BRIP1: variants seen among roughly 807,000 people sequenced by gnomAD.
The protein encoded by BRIP1 is BRCA1 interacting DNA helicase 1.
In BRIP1, 88 loss-of-function variants were observed where a neutral mutation model predicts 119.7. The ratio of observed to expected loss-of-function variants is 0.74; its 90% CI spans 0.62 to 0.88. The LOEUF (loss-of-function observed/expected upper bound fraction) is 0.88. Among genes scored for constraint, BRIP1 ranks in the 40% least tolerant of loss-of-function variants. BRIP1 has a pLI of 0.00. For synonymous variants in BRIP1, 443 were observed against 496.5 expected, an observed-to-expected ratio of 0.89 and a Z score of 1.43; for missense variants, 1,259 against 1,455.4, an observed-to-expected ratio of 0.87 and a Z score of 2.20.
intron 6 of BRIP1, among the ~76,000 whole-genome samples, chr17:61,811,615 T>C (rs1186139205): frequency 1.3e-5 from 2 of 152,024 alleles, no homozygotes; most frequent in Non-Finnish European, 2.9e-5. Flanking sequence ...TAAACAGGAA[T>C]TATTTCTTCA....
In BRIP1 at chr17:61,729,383, TA is replaced by T; in HGVS notation, c.2380-13321del. 6.6e-6 allele frequency among the ~76,000 whole-genome samples: 1 copy of T among 152,274 alleles called. No homozygotes were observed. The highest frequency in any genetic ancestry group is 1.9e-4 in the East Asian group (1 of 5,178). ...GTCATGATAATGTACATAATAACTA[TA>T]GATTTAATTAAAAATTGTAATGTAA... On this transcript the variant is annotated intron_variant, in intron 16 of 19. Transcript: ENST00000259008. This position sits in a 1 kb window ranked among gnomAD's most constrained non-coding sequence, Gnocchi z 5.6.
At chr17:61,854,253 G>C (rs1054887601) in intron 4 of BRIP1, among the ~76,000 whole-genome samples, 11 of 151,934 alleles carry the variant, frequency 7.2e-5, no homozygotes, top group African/African-American at 2.7e-4. Flanking sequence ...ACCCAGCCTG[G>C]GCAACAGAAT....
chr17:61,726,666 C>T lies in BRIP1; in HGVS notation c.2380-10603G>A, dbSNP rs2144523393. ...GGCAGAATACATACAGAACAGTGTT[C>T]AAACAGTTTTGAAACAAATATTTTA... On this transcript the variant is annotated intron_variant, in intron 16 of 19. Transcript: ENST00000259008. The surrounding 1 kb of genome is among the most constrained non-coding windows in gnomAD (Gnocchi z 6.2). 6.6e-6 allele frequency among the ~76,000 whole-genome samples: 1 copy of T among 152,292 alleles called. No individual in the cohort carries two copies. Among genetic ancestry groups the T allele is most frequent in the South Asian group, 2.1e-4 (1 of 4,824 alleles).
rs145503169 is a variant in BRIP1, at chr17:61,699,180, C to T, written c.2493-5668G>A. ...TTGTGTTTTTTAAACTAGTGTTTCT[C>T]TTGCAGACAGCATATATCACATTGT... On this transcript the variant is annotated intron_variant, in intron 17 of 19. Transcript: ENST00000259008. This position sits in a 1 kb window ranked among gnomAD's most constrained non-coding sequence, Gnocchi z 4.8. 5.4e-3 allele frequency among the ~76,000 whole-genome samples: 824 copies of T among 152,134 alleles called. 5 individuals carry two copies. The highest frequency in any genetic ancestry group is 8.6e-3 in the Non-Finnish European group (584 of 67,992).
chr17:61,855,637 C>T (rs531081059), intron 4 of BRIP1, among the ~76,000 whole-genome samples: 6 of 148,042 alleles, frequency 4.1e-5, no homozygotes, highest in African/African-American at 7.5e-5. Flanking sequence ...GTCAAGTAAA[C>T]GTCAATAAAG....
chr17:61,721,333 G>A (rs543687484), intron 16 of BRIP1, among the ~76,000 whole-genome samples: 13 of 144,126 alleles, frequency 9.0e-5, no homozygotes, highest in East Asian at 6.3e-4. Context: ...GCAGTGGCGC[G>A]ATCTTGGCTC....
Position 61,799,034 on chromosome 17 carries a change from TGGCATAATCAAACATATTTTTCATATAAA to T in BRIP1, c.1340+37_1340+65del. Reference sequence around the variant, plus strand: ...CAAAGTTTACTAACTTTAAATACTCTGGCATAATCAAACATATTTTTCATATAAAGGCAGCACAAATACACTAATAGACA... The same window carrying T: ...CAAAGTTTACTAACTTTAAATACTCTGGCAGCACAAATACACTAATAGACA... On this transcript the variant is annotated intron_variant, in intron 9 of 19. Transcript: ENST00000259008. The surrounding 1 kb of genome is among the most constrained non-coding windows in gnomAD (Gnocchi z 5.1). 2.1e-6 allele frequency: 3 copies of T among 1,448,998 alleles called. No individual in the cohort carries two copies. Among genetic ancestry groups the T allele is most frequent in the Non-Finnish European group, 2.9e-6 (3 of 1,032,010 alleles). The allele number at this position is 1,448,998 out of a possible 1,614,324, so 89.8% of individuals were successfully genotyped here. A position where few individuals can be genotyped will look rare whatever the true frequency, so the allele number is the denominator to read the frequency against.
rs1036675488 is a variant in BRIP1 at position 61,735,757 on chromosome 17, C to T, written c.2379+7256G>A. Among the ~76,000 whole-genome samples, 3 of 151,788 alleles carry T rather than the reference C, an allele frequency of 2.0e-5. No homozygotes were observed. The highest frequency in any genetic ancestry group is 4.8e-5 in the African/African-American group (2 of 41,302). Reference sequence around the variant, plus strand: ...CCAAGGCTGCAGTGACCCATGACCGCACCACTGCACTCTAGCCTGGGCAAT... The same window carrying T: ...CCAAGGCTGCAGTGACCCATGACCGTACCACTGCACTCTAGCCTGGGCAAT... On this transcript the variant is annotated intron_variant, in intron 16 of 19. Transcript: ENST00000259008. This position sits in a 1 kb window ranked among gnomAD's most constrained non-coding sequence, Gnocchi z 4.4.
intron 14 of BRIP1, among the ~76,000 whole-genome samples, chr17:61,763,283 C>T (rs2077304104): frequency 6.6e-6 from 1 of 152,066 alleles, no homozygotes; most frequent in Non-Finnish European, 1.5e-5. Flanking sequence ...GAAGTCCAGA[C>T]ACAGGGCAGC....
In BRIP1 at chr17:61,682,714, G is replaced by C. The variant is rs2061286279; in HGVS notation, c.*582C>G. On this transcript the variant is annotated 3_prime_UTR_variant, in exon 20 of 20. Coordinates refer to ENST00000259008, the MANE Select transcript of BRIP1 (RefSeq NM_032043.3). The surrounding 1 kb of genome is among the most constrained non-coding windows in gnomAD (Gnocchi z 4.9). ...CAGTGTGAAAACAAATGGATGAAGA[G>C]AACCACCTAATATGAATATTTACGT... 5.1e-6 allele frequency: 1 copy of C among 194,766 alleles called. No individual in the cohort carries two copies. The highest frequency in any genetic ancestry group is 1.1e-5 in the Non-Finnish European group (1 of 93,630). The allele number at this position is 194,766 out of a possible 1,614,324, so 12.1% of individuals were successfully genotyped here. A position where few individuals can be genotyped will look rare whatever the true frequency, so the allele number is the denominator to read the frequency against.
chr17:61,829,590 C>T (rs1452309763), intron 6 of BRIP1, among the ~76,000 whole-genome samples: 3 of 151,842 alleles, frequency 2.0e-5, no homozygotes, highest in Non-Finnish European at 4.4e-5. Flanking sequence ...AATACCCATA[C>T]TTTCCAAAAA....
chr17:61,719,332 C>A (rs114331610), intron 16 of BRIP1, among the ~76,000 whole-genome samples: 1 of 151,534 alleles, frequency 6.6e-6, no homozygotes, highest in Non-Finnish European at 1.5e-5. Flanking sequence ...CTGTTATTCA[C>A]GGCAACATGG....
In BRIP1 at chr17:61,683,870, G is replaced by C. The variant is rs1400975728; in HGVS notation, c.3176C>G (p.Thr1059Arg). ...FTDKCESSNLTVNTSFGSCPQ... is the reference protein window; with the variant it reads ...FTDKCESSNLRVNTSFGSCPQ... ...GCATGATCCAAACGATGTGTTTACT[G>C]TCAGATTTGAGGATTCACATTTATC... Residue 1059 changes from threonine to arginine, a missense_variant, in exon 20 of 20, where the codon ACA (threonine) becomes AGA (arginine). Transcript: ENST00000259008. The surrounding 1 kb of genome is among the most constrained non-coding windows in gnomAD (Gnocchi z 4.7). The C allele has an allele frequency of 1.2e-6, 2 of 1,614,170 alleles. No homozygotes were observed. The highest frequency in any genetic ancestry group is 2.2e-5 in the East Asian group (1 of 44,880).
At position 61,825,077 on chromosome 17, in the gene BRIP1, A is replaced by C. The variant is rs1380982797; in HGVS notation, c.628-16320T>G. Reference sequence around the variant, plus strand: ...GAGGCAGGCGGATCGCAAGGTCAGGAGATCGAGACCATCCTAGCTAACATG... The same window carrying C: ...GAGGCAGGCGGATCGCAAGGTCAGGCGATCGAGACCATCCTAGCTAACATG... On this transcript the variant is annotated intron_variant, in intron 6 of 19. Coordinates refer to ENST00000259008, the MANE Select transcript of BRIP1 (RefSeq NM_032043.3). The surrounding 1 kb of genome is among the most constrained non-coding windows in gnomAD (Gnocchi z 4.1). Among the ~76,000 whole-genome samples, 1 of 152,124 alleles carries C rather than the reference A, an allele frequency of 6.6e-6. No individual in the cohort carries two copies. Among genetic ancestry groups the C allele is most frequent in the African/African-American group, 2.4e-5 (1 of 41,426 alleles).
Position 61,860,301 on chromosome 17 carries a change from GC to G in BRIP1, c.94-395del, listed in dbSNP as rs1355114432. Among the ~76,000 whole-genome samples, 2 of 152,154 alleles carry G rather than the reference GC, an allele frequency of 1.3e-5. No individual in the cohort carries two copies. The highest frequency in any genetic ancestry group is 2.4e-5 in the African/African-American group (1 of 41,420). On this transcript the variant is annotated intron_variant, in intron 2 of 19. Transcript: ENST00000259008. The surrounding 1 kb of genome is among the most constrained non-coding windows in gnomAD (Gnocchi z 4.1). ...AAACAATTTCTTATAAAGTGAAGAT[GC>G]CCAGCTCCAGCAAGTCCAGTTCTAT...
chr17:61,736,118 G>C lies in BRIP1; in HGVS notation c.2379+6895C>G, dbSNP rs2144615466. On this transcript the variant is annotated intron_variant, in intron 16 of 19. Coordinates refer to ENST00000259008, the MANE Select transcript of BRIP1 (RefSeq NM_032043.3). This position sits in a 1 kb window ranked among gnomAD's most constrained non-coding sequence, Gnocchi z 4.4. Reference sequence around the variant, plus strand: ...AGGTCTGAGCATCCCTTAAGGCCAGGAGTTCAAGGCCAGCTTGTACAACAT... The same window carrying C: ...AGGTCTGAGCATCCCTTAAGGCCAGCAGTTCAAGGCCAGCTTGTACAACAT... Among the ~76,000 whole-genome samples, 1 of 151,706 alleles carries C rather than the reference G, an allele frequency of 6.6e-6. No homozygotes were observed. Among genetic ancestry groups the C allele is most frequent in the African/African-American group, 2.4e-5 (1 of 41,356 alleles).
At chr17:61,747,902 A>ATTTT (rs35956751) in intron 14 of BRIP1, among the ~76,000 whole-genome samples, 8 of 141,142 alleles carry the variant, frequency 5.7e-5, no homozygotes, top group South Asian at 2.3e-4. Flanking sequence ...TGCCCTGGTA[A>ATTTT]TTTTTTTTTT....
intron 6 of BRIP1, among the ~76,000 whole-genome samples, chr17:61,812,603 T>TAA (rs1047839005): frequency 2.8e-5 from 4 of 142,530 alleles, no homozygotes; most frequent in Admixed American, 7.0e-5. Context: ...ATACTATCAT[T>TAA]AAAAAAAAAA....
In BRIP1 at chr17:61,743,861, A is replaced by G. The variant is rs1435401047; in HGVS notation, c.2257+571T>C. ...TGCACCACACCCTGCTAATGTTTGT[A>G]CTTTTTGTAGAGACAGGATTTCACC... is the stretch of plus-strand genomic sequence containing the variant. On this transcript the variant is annotated intron_variant, in intron 15 of 19. Coordinates refer to ENST00000259008, the MANE Select transcript of BRIP1 (RefSeq NM_032043.3). This position sits in a 1 kb window ranked among gnomAD's most constrained non-coding sequence, Gnocchi z 4.3. 6.6e-6 allele frequency among the ~76,000 whole-genome samples: 1 copy of G among 151,934 alleles called. No homozygotes were observed. The highest frequency in any genetic ancestry group is 1.5e-5 in the Non-Finnish European group (1 of 67,970).
Sources: allele counts gnomAD v4.1 joint callset (sites outside exome capture counted in the v4.1 genomes callset), GRCh38; gene constraint gnomAD v4.1.1; non-coding constraint Gnocchi (gnomAD v3.1); transcripts MANE v1.5; gene names NCBI Gene and HGNC (gene_info 2026-07-23, HGNC 2026-07-21).